CNTN3: variants seen among roughly 807,000 people sequenced by gnomAD.
The protein encoded by CNTN3 is contactin 3.
In CNTN3, 60 loss-of-function variants were observed where a neutral mutation model predicts 119.1. The ratio of observed to expected loss-of-function variants is 0.50; its 90% CI spans 0.41 to 0.62. The LOEUF (loss-of-function observed/expected upper bound fraction) is 0.62, where lower values mean the gene tolerates loss of function less well. Ranked by LOEUF, CNTN3 falls within the 20% of genes least tolerant of loss-of-function variation. The probability of loss-of-function intolerance (pLI) is 0.00; values close to 1 mark genes in which losing one functional copy is unlikely to be tolerated. For synonymous variants in CNTN3, 450 were observed against 438.7 expected, an observed-to-expected ratio of 1.03 and a Z score of -0.32; for missense variants, 1,101 against 1,242.4, an observed-to-expected ratio of 0.89 and a Z score of 1.71.
intron 1 of CNTN3, among the ~76,000 whole-genome samples, chr3:74,577,366 T>A (rs552614940): frequency 2.0e-5 from 3 of 152,314 alleles, no homozygotes; most frequent in African/African-American, 7.2e-5. Flanking sequence ...TTAAAATATA[T>A]CTTGGTTCAT....
intron 9 of CNTN3, 62 bp downstream of exon 9, chr3:74,365,504 C>G: frequency 6.2e-7 from 1 of 1,601,838 alleles, no homozygotes; most frequent in Non-Finnish European, 8.5e-7. Flanking sequence ...TGCTAAACAC[C>G]AAGTGAGGAA....
At chr3:74,333,615 T>C (rs765584729) in intron 13 of CNTN3, among the ~76,000 whole-genome samples, 1 of 152,196 alleles carries the variant, frequency 6.6e-6, no homozygotes, top group African/African-American at 2.4e-5. Context: ...TAATCCAGGA[T>C]GACCTCATCT....
intron 20 of CNTN3, among the ~76,000 whole-genome samples, chr3:74,284,040 CTT>C (rs1425178495): frequency 6.6e-6 from 1 of 152,114 alleles, no homozygotes; most frequent in African/African-American, 2.4e-5. Flanking sequence ...TAGCCACACT[CTT>C]TTTTCTATAC....
chr3:74,442,202 C>T (rs1336496863), intron 4 of CNTN3, among the ~76,000 whole-genome samples: 1 of 148,274 alleles, frequency 6.7e-6, no homozygotes, highest in East Asian at 1.9e-4. Flanking sequence ...ATTTTTATAT[C>T]CCATGTGCTA....
chr3:74,499,990 C>T (rs1480500991), intron 2 of CNTN3, among the ~76,000 whole-genome samples: 1 of 152,056 alleles, frequency 6.6e-6, no homozygotes, highest in Admixed American at 6.6e-5. Context: ...TGAGAACTAA[C>T]GTTGGTATGA....
chr3:74,396,132 G>T (rs938122105), intron 5 of CNTN3, among the ~76,000 whole-genome samples: 3 of 151,906 alleles, frequency 2.0e-5, no homozygotes, highest in African/African-American at 7.3e-5. Flanking sequence ...TTGAAATTAG[G>T]CCAATTAATT....
intron 13 of CNTN3, among the ~76,000 whole-genome samples, chr3:74,319,594 A>T (rs1475593857): frequency 1.3e-5 from 2 of 152,052 alleles, no homozygotes; most frequent in Non-Finnish European, 1.5e-5. Flanking sequence ...ACCATTCAGG[A>T]CATAGGCATG....
intron 20 of CNTN3, chr3:74,267,657 A>C: frequency 3.1e-6 from 1 of 327,402 alleles, no homozygotes; most frequent in South Asian, 4.7e-5. Context: ...GTCCCAAAAA[A>C]GGCATTTCAA....
intron 1 of CNTN3, among the ~76,000 whole-genome samples, chr3:74,589,975 G>T (rs1396357121): frequency 8.1e-6 from 1 of 123,830 alleles, no homozygotes; most frequent in Non-Finnish European, 1.7e-5. Context: ...GGGGGAGGGG[G>T]GAGGGATAGC....
chr3:74,271,157 A>G (rs1701768383), intron 20 of CNTN3, among the ~76,000 whole-genome samples: 1 of 152,194 alleles, frequency 6.6e-6, no homozygotes, highest in Non-Finnish European at 1.5e-5. Flanking sequence ...CCATGATTAG[A>G]TGAAACTGGG....
intron 5 of CNTN3, among the ~76,000 whole-genome samples, chr3:74,422,128 C>T (rs995486761): frequency 6.6e-6 from 1 of 152,168 alleles, no homozygotes; most frequent in African/African-American, 2.4e-5. Flanking sequence ...TGGGTGCAGA[C>T]GAACACCAAC....
intron 1 of CNTN3, among the ~76,000 whole-genome samples, chr3:74,555,064 C>T (rs115521702): frequency 6.6e-6 from 1 of 152,048 alleles, no homozygotes; most frequent in Non-Finnish European, 1.5e-5. Context: ...ATAAACAGCT[C>T]TTATTATATT....
intron 2 of CNTN3, among the ~76,000 whole-genome samples, chr3:74,500,392 T>C (rs1703146266): frequency 1.3e-5 from 2 of 151,180 alleles, no homozygotes; most frequent in Admixed American, 6.6e-5. Context: ...AAAAAACAAA[T>C]CTCTCTATTG....
At chr3:74,443,614 A>C (rs1215404200) in intron 4 of CNTN3, among the ~76,000 whole-genome samples, 3 of 152,118 alleles carry the variant, frequency 2.0e-5, no homozygotes, top group Non-Finnish European at 4.4e-5. Context: ...GTCAGATGGA[A>C]GTCCTTTCCC....
At chr3:74,536,980 G>A (rs928314423) in intron 1 of CNTN3, among the ~76,000 whole-genome samples, 1 of 106,396 alleles carries the variant, frequency 9.4e-6, no homozygotes, top group African/African-American at 3.7e-5. Context: ...TTGCAAACCT[G>A]TCATACTTTC....
chr3:74,529,917 G>C (rs1412230751), intron 1 of CNTN3, among the ~76,000 whole-genome samples: 1 of 144,318 alleles, frequency 6.9e-6, no homozygotes, highest in Non-Finnish European at 1.5e-5. Context: ...TCACTGAGTA[G>C]AAAAAGGTAA....
chr3:74,413,446 C>A (rs1037556758), intron 5 of CNTN3, among the ~76,000 whole-genome samples: 1 of 152,104 alleles, frequency 6.6e-6, no homozygotes, highest in African/African-American at 2.4e-5. Flanking sequence ...TTTAACTTAG[C>A]CACGGTTAGG....
In CNTN3 at chr3:74,424,840, C is replaced by G. The variant is rs754586422; in HGVS notation, c.454+5G>C. On this transcript the variant is annotated splice_donor_5th_base_variant and intron_variant, in intron 5 of 22. Transcript: ENST00000263665. ...TATGAAAAGCAGAAACAGAGCATGA[C>G]TTACCTCCAGAGTGTGGTGGGGGGC... 5.0e-6 allele frequency: 8 copies of G among 1,612,754 alleles called. No homozygotes were observed. The East Asian group carries it at 1.8e-4, about 36-fold the overall frequency.
chr3:74,589,125 G>A (rs1704652137), intron 1 of CNTN3, among the ~76,000 whole-genome samples: 1 of 151,554 alleles, frequency 6.6e-6, no homozygotes, highest in Non-Finnish European at 1.5e-5. Flanking sequence ...TTAAACTAAA[G>A]AGCTTCTGCA....
Sources: allele counts gnomAD v4.1 joint callset (sites outside exome capture counted in the v4.1 genomes callset), GRCh38; gene constraint gnomAD v4.1.1; transcripts MANE v1.5; gene names NCBI Gene and HGNC (gene_info 2026-07-23, HGNC 2026-07-21).